FIZ1: variants seen among roughly 807,000 people sequenced by gnomAD.
FIZ1 encodes flt3-interacting zinc finger protein 1.
A neutral mutation model predicts 5.3 loss-of-function variants in FIZ1; 2 were observed. The observed-to-expected ratio is 0.37, with a 90% CI of 0.15 to 1.18. The LOEUF is 1.18. FIZ1 is among the 50% of genes most tolerant of loss of function. The pLI, the probability that FIZ1 is intolerant of heterozygous loss-of-function variation, is 0.37. For synonymous variants in FIZ1, 407 were observed against 364.2 expected (o/e 1.12, Z -1.34); for missense variants, 631 against 749.7 (o/e 0.84, Z 1.85).
chr19:55,597,883 T>A lies in FIZ1; in HGVS notation c.-18A>T, dbSNP rs778500722. On this transcript the variant is annotated 5_prime_UTR_variant, in exon 2 of 3. Coordinates refer to ENST00000221665, the MANE Select transcript of FIZ1 (RefSeq NM_032836.3). ...TCATCCATGGTGGCGGGGAATACAG[T>A]GGTATGTGGGGGCTCTCTCTGGAGT... The A allele has an allele frequency of 6.4e-7, 1 of 1,560,120 alleles. No individual in the cohort carries two copies. The highest frequency in any genetic ancestry group is 8.7e-7 in the Non-Finnish European group (1 of 1,152,898).
In FIZ1 at chr19:55,592,656, G is replaced by A; in HGVS notation, c.1285C>T (p.Leu429=). 1.9e-6 allele frequency: 3 copies of A among 1,613,490 alleles called. No individual in the cohort carries two copies. The highest frequency in any genetic ancestry group is 2.5e-6 in the Non-Finnish European group (3 of 1,179,896). The change falls in exon 3 of 3, where the codon CTG becomes TTG. Residue 429 remains leucine (L), a synonymous_variant. Coordinates refer to ENST00000221665, the MANE Select transcript of FIZ1 (RefSeq NM_032836.3). The surrounding 1 kb of genome is among the most constrained non-coding windows in gnomAD (Gnocchi z 6.9). The stretch of plus-strand genomic sequence containing the variant: ...GTGTGCACCAGCACGTGCCGCTCCA[G>A]GTCTCGCGGTGAGCGGAACAGCTTC... The part of the protein sequence containing the change: ...CEKLFRSPRD[L]ERHVLVHTGE...
intron 1 of FIZ1, 131 bp from the exon 2 acceptor site, chr19:55,598,032 C>T (rs1980417664): frequency 2.8e-6 from 3 of 1,067,696 alleles, no homozygotes; most frequent in Non-Finnish European, 3.9e-6. Flanking sequence ...AAGCCACTCT[C>T]ATTGTTCTTT....
At position 55,591,462 on chromosome 19, in the gene FIZ1, C is replaced by T. The variant is rs1464061137; in HGVS notation, c.*988G>A. Reference sequence around the variant, plus strand: ...AGGTCGAGGCTCACAGGGGCACCCCCTAGCCAAATGCCCCCTTCCCCTAGG... The same window carrying T: ...AGGTCGAGGCTCACAGGGGCACCCCTTAGCCAAATGCCCCCTTCCCCTAGG... On this transcript the variant is annotated 3_prime_UTR_variant, in exon 3 of 3. Transcript: ENST00000221665. 6.6e-6 allele frequency: 1 copy of T among 152,434 alleles called. No individual in the cohort carries two copies. The highest frequency in any genetic ancestry group is 1.9e-4 in the East Asian group (1 of 5,198). 9.4% of individuals were successfully genotyped at this position (152,434 alleles called of 1,614,324 possible). A position where few individuals can be genotyped will look rare whatever the true frequency, so the allele number is the denominator to read the frequency against.
chr19:55,592,765 G>A lies in FIZ1; in HGVS notation c.1176C>T (p.Ala392=), dbSNP rs1340653646. The part of the protein sequence containing the change: ...GEGGGEEAAT[A]AREREPASGE... The stretch of plus-strand genomic sequence containing the variant: ...CGGACGCCGGTTCCCTTTCCCGGGC[G>A]GCGGTCGCCGCCTCCTCCCCGCCGC... Residue 392 remains alanine (A), a synonymous_variant, in exon 3 of 3, where the codon GCC becomes GCT. Coordinates refer to ENST00000221665, the MANE Select transcript of FIZ1 (RefSeq NM_032836.3). This position sits in a 1 kb window ranked among gnomAD's most constrained non-coding sequence, Gnocchi z 6.9. 10 of 1,602,830 alleles carry A rather than the reference G, an allele frequency of 6.2e-6. No homozygotes were observed. Among genetic ancestry groups the A allele is most frequent in the African/African-American group, 2.7e-5 (2 of 74,656 alleles).
Position 55,592,432 on chromosome 19 carries a change from G to A in FIZ1, c.*18C>T, listed in dbSNP as rs1316599413. 2.0e-6 allele frequency: 3 copies of A among 1,530,794 alleles called. No individual in the cohort carries two copies. Among genetic ancestry groups the A allele is most frequent in the Non-Finnish European group, 2.6e-6 (3 of 1,134,788 alleles). 94.8% of individuals were successfully genotyped at this position (1,530,794 alleles called of 1,614,324 possible). ...TCCAGGAGGCTGGGTGGAGGGCAGG[G>A]CGCACGCAGCCTGGCAGTCAGTCCA... is the stretch of plus-strand genomic sequence containing the variant. On this transcript the variant is annotated 3_prime_UTR_variant, in exon 3 of 3. Transcript: ENST00000221665. The surrounding 1 kb of genome is among the most constrained non-coding windows in gnomAD (Gnocchi z 6.9).
At chr19:55,597,276 G>A (rs1418512373) in intron 2 of FIZ1, among the ~76,000 whole-genome samples, 2 of 152,248 alleles carry the variant, frequency 1.3e-5, no homozygotes, top group Admixed American at 1.3e-4. Flanking sequence ...CTAGATTGCA[G>A]ATGCTGGTGC....
intron 1 of FIZ1, 164 bp downstream of exon 1, chr19:55,599,298 GTGCCCCTCCCCC>G (rs1466487223): frequency 6.6e-6 from 1 of 152,424 alleles, no homozygotes; most frequent in Non-Finnish European, 1.5e-5. Flanking sequence ...CCGGCCTTTT[GTGCCCCTCCCCC>G]TGCCCCTAAA....
chr19:55,597,221 T>C (rs1026312378), intron 2 of FIZ1, among the ~76,000 whole-genome samples: 1 of 152,232 alleles, frequency 6.6e-6, no homozygotes, highest in Non-Finnish European at 1.5e-5. Flanking sequence ...AGTATACACC[T>C]GATAAACCTA....
In FIZ1 at chr19:55,593,796, T is replaced by A; in HGVS notation, c.295-150A>T. On this transcript the variant is annotated intron_variant, in intron 2 of 2. Transcript: ENST00000221665. The surrounding 1 kb of genome is among the most constrained non-coding windows in gnomAD (Gnocchi z 6.3). ...AAACGCTCGTCCTATCACTCTCTGT[T>A]TGGGGTCACGGTAGATTCTTTCGGT... The A allele has an allele frequency of 1.4e-6, 1 of 738,350 alleles. No individual in the cohort carries two copies. The highest frequency in any genetic ancestry group is 2.2e-6 in the Non-Finnish European group (1 of 446,538). The allele number at this position is 738,350 out of a possible 1,614,324, so 45.7% of individuals were successfully genotyped here. A position where few individuals can be genotyped will look rare whatever the true frequency, so the allele number is the denominator to read the frequency against.
chr19:55,598,861 C>G (rs1270497561), intron 1 of FIZ1: 1 of 152,190 alleles, frequency 6.6e-6, no homozygotes, highest in South Asian at 2.0e-4. Flanking sequence ...TTGCATTAAA[C>G]CCCTCCAAAT....
chr19:55,594,354 G>A (rs1340278677), intron 2 of FIZ1, among the ~76,000 whole-genome samples: 5 of 144,938 alleles, frequency 3.4e-5, no homozygotes, highest in African/African-American at 1.0e-4. Context: ...AGCCAAAGAC[G>A]TGCCACTGCA....
rs778266021 is a variant in FIZ1 at position 55,592,732 on chromosome 19, G to T, written c.1209C>A (p.Pro403=). 1.3e-5 allele frequency: 21 copies of T among 1,611,742 alleles called. No homozygotes were observed. The highest frequency in any genetic ancestry group is 2.2e-5 in the East Asian group (1 of 44,822). ...AREREPASGE[P]PSGSGRGKKI... is the part of the protein sequence containing the mutation. ...TCTTGCCGCGGCCGGAGCCAGACGG[G>T]GGTTCCCCGGACGCCGGTTCCCTTT... The change falls in exon 3 of 3, where the codon CCC becomes CCA. Residue 403 remains proline (P), a synonymous_variant. Transcript: ENST00000221665. The surrounding 1 kb of genome is among the most constrained non-coding windows in gnomAD (Gnocchi z 6.9).
At position 55,593,724 on chromosome 19, in the gene FIZ1, G is replaced by T; in HGVS notation, c.295-78C>A. On this transcript the variant is annotated intron_variant, in intron 2 of 2. Transcript: ENST00000221665. This position sits in a 1 kb window ranked among gnomAD's most constrained non-coding sequence, Gnocchi z 6.3. The stretch of plus-strand genomic sequence containing the variant: ...CAACGGATTCCTGGACTCCCAGAGG[G>T]TTGTGGCACAAGCTCTCTGTCACAC... The T allele has an allele frequency of 7.5e-7, 1 of 1,329,490 alleles. No individual in the cohort carries two copies. The allele number at this position is 1,329,490 out of a possible 1,614,324, so 82.4% of individuals were successfully genotyped here.
Position 55,593,717 on chromosome 19 carries a change from C to T in FIZ1, c.295-71G>A, listed in dbSNP as rs1980174991. On this transcript the variant is annotated intron_variant, in intron 2 of 2. Coordinates refer to ENST00000221665, the MANE Select transcript of FIZ1 (RefSeq NM_032836.3). The surrounding 1 kb of genome is among the most constrained non-coding windows in gnomAD (Gnocchi z 6.3). The stretch of plus-strand genomic sequence containing the variant: ...GCCCGGACAACGGATTCCTGGACTC[C>T]CAGAGGGTTGTGGCACAAGCTCTCT... The T allele has an allele frequency of 7.1e-7, 1 of 1,398,868 alleles. No homozygotes were observed. The highest frequency in any genetic ancestry group is 9.9e-7 in the Non-Finnish European group (1 of 1,013,014). The allele number at this position is 1,398,868 out of a possible 1,614,324, so 86.7% of individuals were successfully genotyped here. A position where few individuals can be genotyped will look rare whatever the true frequency, so the allele number is the denominator to read the frequency against.
In FIZ1 at chr19:55,597,564, G is replaced by T; in HGVS notation, c.294+8C>A. 1 of 1,608,084 alleles carries T rather than the reference G, an allele frequency of 6.2e-7. No homozygotes were observed. On this transcript the variant is annotated splice_region_variant and intron_variant, in intron 2 of 2. Coordinates refer to ENST00000221665, the MANE Select transcript of FIZ1 (RefSeq NM_032836.3). ...GAGGCCAGCCTAGGGCCGGCCTGTG[G>T]GACTCACCTGGTGGTGCAGCAGGCC...
chr19:55,596,399 C>T (rs950850423), intron 2 of FIZ1, among the ~76,000 whole-genome samples: 2 of 152,180 alleles, frequency 1.3e-5, no homozygotes, highest in Non-Finnish European at 2.9e-5. Context: ...AAGTGTCTGG[C>T]ACATAGACAG....
chr19:55,597,869 G>A lies in FIZ1; in HGVS notation c.-4C>T, dbSNP rs768480117. The A allele has an allele frequency of 8.2e-6, 13 of 1,577,438 alleles. No individual in the cohort carries two copies. The highest frequency in any genetic ancestry group is 1.0e-5 in the Non-Finnish European group (12 of 1,161,934). On this transcript the variant is annotated 5_prime_UTR_variant, in exon 2 of 3. Transcript: ENST00000221665. ...TTGGGGCGGGGACGTCATCCATGGTGGCGGGGAATACAGTGGTATGTGGGG... is the reference window on the plus strand; with the variant it reads ...TTGGGGCGGGGACGTCATCCATGGTAGCGGGGAATACAGTGGTATGTGGGG...
intron 2 of FIZ1, among the ~76,000 whole-genome samples, chr19:55,595,971 G>A (rs1435972562): frequency 6.6e-6 from 1 of 152,168 alleles, no homozygotes. Flanking sequence ...TTGACTCGAG[G>A]CCATACAAAG....
intron 2 of FIZ1, among the ~76,000 whole-genome samples, chr19:55,597,267 T>C (rs1980369168): frequency 6.6e-6 from 1 of 152,180 alleles, no homozygotes; most frequent in East Asian, 1.9e-4. Flanking sequence ...GGATAAACAC[T>C]AGATTGCAGA....
Sources: gnomAD v4.1 joint callset for allele counts (sites outside exome capture counted in the v4.1 genomes callset) on GRCh38, gnomAD v4.1.1 for gene constraint, Gnocchi (gnomAD v3.1) non-coding constraint, MANE v1.5 for transcripts, NCBI Gene and HGNC (gene_info 2026-07-23, HGNC 2026-07-21) for gene names.